SEPTIN2: variants seen among roughly 807,000 people sequenced by gnomAD.
SEPTIN2 encodes septin-2.
In SEPTIN2, 34 loss-of-function variants were observed where a neutral mutation model predicts 46.5. The observed-to-expected ratio is 0.73, with a 90% CI of 0.56 to 0.97. The LOEUF is 0.97. Ranked by LOEUF, SEPTIN2 falls within the 50% of genes least tolerant of loss-of-function variation. The probability of loss-of-function intolerance (pLI) is 0.00; values close to 1 mark genes in which losing one functional copy is unlikely to be tolerated. For missense variants in SEPTIN2, 347 were observed against 448.4 expected (o/e 0.77, Z 2.04); for synonymous variants, 175 against 153.4 (o/e 1.14, Z -1.04).
At chr2:241,321,886 C>T (rs2077187042) in intron 1 of SEPTIN2, among the ~76,000 whole-genome samples, 1 of 152,078 alleles carries the variant, frequency 6.6e-6, no homozygotes, top group African/African-American at 2.4e-5. Flanking sequence ...ATGCCAACTC[C>T]TTCTGCCAAA....
At chr2:241,338,838 A>ATATTTATATTATTTATAT (rs1559643511) in intron 7 of SEPTIN2, among the ~76,000 whole-genome samples, 374 of 15,154 alleles carry the variant, frequency 0.025, 4 homozygotes, top group African/African-American at 0.052. Context: ...TAATATATAT[A>ATATTTATATTATTTATAT]ATAAATATAT....
At chr2:241,321,958 A>C (rs1430199179) in intron 1 of SEPTIN2, among the ~76,000 whole-genome samples, 1 of 151,926 alleles carries the variant, frequency 6.6e-6, no homozygotes, top group Non-Finnish European at 1.5e-5. Flanking sequence ...CTCCACACTC[A>C]CACTTGCTCT....
At chr2:241,316,496 CTAGGCCCTGT>C (rs1232454968) in intron 1 of SEPTIN2, 2 of 1,523,822 alleles carry the variant, frequency 1.3e-6, no homozygotes, top group Non-Finnish European at 1.8e-6. Flanking sequence ...GGGAGAGCGA[CTAGGCCCTGT>C]CTGCGGGTAC....
At chr2:241,343,224 T>C in intron 8 of SEPTIN2, 131 bp downstream of exon 8, 1 of 626,404 alleles carries the variant, frequency 1.6e-6, no homozygotes, top group Non-Finnish European at 2.9e-6. Context: ...TAAGACCTCA[T>C]GCAGTGGCTC....
chr2:241,335,779 C>G (rs1217349550), intron 4 of SEPTIN2, 196 bp from the exon 5 acceptor site: 4 of 634,340 alleles, frequency 6.3e-6, no homozygotes, highest in African/African-American at 1.8e-5. Context: ...TAACCTTCCC[C>G]AGTAGCACAA....
intron 1 of SEPTIN2, among the ~76,000 whole-genome samples, chr2:241,321,315 A>AT (rs1161804898): frequency 1.3e-5 from 2 of 151,652 alleles, no homozygotes; most frequent in Non-Finnish European, 2.9e-5. Flanking sequence ...TTATGTGTTT[A>AT]TCTACAGTGA....
At chr2:241,343,253 C>G (rs555766255) in intron 8 of SEPTIN2, among the ~76,000 whole-genome samples, 160 bp downstream of exon 8, 1 of 152,186 alleles carries the variant, frequency 6.6e-6, no homozygotes, top group Non-Finnish European at 1.5e-5. Flanking sequence ...AATCCCAGCA[C>G]TTTGAGAGGC....
At chr2:241,332,170 T>C (rs1251234418) in intron 3 of SEPTIN2, among the ~76,000 whole-genome samples, 1 of 152,158 alleles carries the variant, frequency 6.6e-6, no homozygotes, top group African/African-American at 2.4e-5. Flanking sequence ...ACATGAAGAA[T>C]AGAAATTATA....
chr2:241,337,757 C>T lies in SEPTIN2; in HGVS notation c.561C>T (p.Leu187=), dbSNP rs1372306222. 6.2e-7 allele frequency: 1 copy of T among 1,613,964 alleles called. No homozygotes were observed. The highest frequency in any genetic ancestry group is 8.5e-7 in the Non-Finnish European group (1 of 1,179,978). Residue 187 remains leucine, a synonymous_variant, in exon 7 of 13, where the codon CTC becomes CTT. Coordinates refer to ENST00000391971, the MANE Select transcript of SEPTIN2 (RefSeq NM_004404.5). ...CTGTCATTGCAAAAGCTGACACTCT[C>T]ACCCTGAAGGAACGGGAGCGGCTGA... ...IVPVIAKADT[L]TLKERERLKK...
At chr2:241,317,207 A>C (rs2076466433) in intron 1 of SEPTIN2, 1 of 152,250 alleles carries the variant, frequency 6.6e-6, no homozygotes, top group Non-Finnish European at 1.5e-5. Flanking sequence ...GCTCCCATTA[A>C]TGGGTTCTTT....
chr2:241,336,362 C>T (rs1466689164), intron 5 of SEPTIN2: 4 of 415,824 alleles, frequency 9.6e-6, no homozygotes, highest in East Asian at 4.3e-5. Flanking sequence ...GGATTTGAGC[C>T]GTGGTTGGTG....
chr2:241,345,410 G>C (rs887898721), intron 9 of SEPTIN2, among the ~76,000 whole-genome samples: 1 of 151,806 alleles, frequency 6.6e-6, no homozygotes, highest in Non-Finnish European at 1.5e-5. Context: ...ATTGAGGGGG[G>C]TGTAGAGGCT....
chr2:241,323,644 C>G (rs961561615), intron 1 of SEPTIN2, among the ~76,000 whole-genome samples: 5 of 152,088 alleles, frequency 3.3e-5, no homozygotes, highest in Non-Finnish European at 7.3e-5. Flanking sequence ...ATGCTGTCAC[C>G]TAAAATAATC....
intron 3 of SEPTIN2, among the ~76,000 whole-genome samples, chr2:241,329,375 G>T (rs1050049955): frequency 6.6e-6 from 1 of 152,018 alleles, no homozygotes; most frequent in East Asian, 1.9e-4. Context: ...TGATCCGCCC[G>T]CCTCGGCCTC....
intron 11 of SEPTIN2, among the ~76,000 whole-genome samples, chr2:241,349,190 C>T (rs1257863660): frequency 1.3e-5 from 2 of 151,834 alleles, no homozygotes; most frequent in African/African-American, 4.8e-5. Context: ...TGAGACCCCC[C>T]TCGTTCTCTA....
chr2:241,327,860 A>G (rs1047538798), intron 3 of SEPTIN2, among the ~76,000 whole-genome samples: 1 of 151,120 alleles, frequency 6.6e-6, no homozygotes, highest in Non-Finnish European at 1.5e-5. Context: ...AGACCAGTTC[A>G]AGAGCAACAT....
chr2:241,349,099 C>T (rs1333880467), intron 11 of SEPTIN2, among the ~76,000 whole-genome samples: 1 of 152,174 alleles, frequency 6.6e-6, no homozygotes, highest in Non-Finnish European at 1.5e-5. Context: ...GTGGGTTACA[C>T]TTATAGTCCC....
upstream of SEPTIN2, chr2:241,315,840 A>C (rs2076079324): frequency 6.6e-6 from 1 of 150,628 alleles, no homozygotes; most frequent in Admixed American, 6.6e-5. Context: ...AGCAGTTGGC[A>C]AAGGGGCGGG....
chr2:241,341,861 A>C (rs1383062237), intron 7 of SEPTIN2, among the ~76,000 whole-genome samples: 1 of 152,210 alleles, frequency 6.6e-6, no homozygotes, highest in Non-Finnish European at 1.5e-5. Flanking sequence ...GACCAAACAA[A>C]ACTGTGGCCT....
Sources: allele counts gnomAD v4.1 joint callset (sites outside exome capture counted in the v4.1 genomes callset), GRCh38; gene constraint gnomAD v4.1.1; transcripts MANE v1.5; gene names NCBI Gene and HGNC (gene_info 2026-07-23, HGNC 2026-07-21).